ERC2: variants seen among roughly 807,000 people sequenced by gnomAD.
ERC2 encodes ERC protein 2.
In ERC2, 42 loss-of-function variants were observed where a neutral mutation model predicts 114.8. That is an observed-to-expected ratio of 0.37 (90% confidence interval 0.29 to 0.47). The LOEUF is 0.47. Ranked by LOEUF, ERC2 falls within the 20% of genes least tolerant of loss-of-function variation. ERC2 has a pLI of 0.99. For missense variants in ERC2, 939 were observed against 1,150.7 expected, an observed-to-expected ratio of 0.82 and a Z score of 2.66; for synonymous variants, 454 against 425.5, an observed-to-expected ratio of 1.07 and a Z score of -0.82.
At chr3:56,241,423 G>T in intron 3 of ERC2, among the ~76,000 whole-genome samples, 1 of 152,142 alleles carries the variant, frequency 6.6e-6, no homozygotes, top group Non-Finnish European at 1.5e-5. Flanking sequence ...TGGAGAAAAG[G>T]TACGCCTTAT....
chr3:56,053,364 G>C (rs1178531375), intron 7 of ERC2, among the ~76,000 whole-genome samples: 1 of 152,198 alleles, frequency 6.6e-6, no homozygotes, highest in Non-Finnish European at 1.5e-5. Flanking sequence ...GACTGTGAGG[G>C]ATGGGGAGAA....
At chr3:56,085,947 C>T (rs1477491451) in intron 6 of ERC2, among the ~76,000 whole-genome samples, 1 of 152,118 alleles carries the variant, frequency 6.6e-6, no homozygotes, top group Non-Finnish European at 1.5e-5. Flanking sequence ...AATATCCAAA[C>T]TGTGATATAA....
At chr3:55,853,184 A>G (rs2061648242) in intron 14 of ERC2, among the ~76,000 whole-genome samples, 1 of 152,244 alleles carries the variant, frequency 6.6e-6, no homozygotes, top group Admixed American at 6.5e-5. Flanking sequence ...TTCATGGGAC[A>G]TGGAAGCTTG....
In ERC2 at chr3:55,601,734, A is replaced by G. The variant is rs184680894; in HGVS notation, c.*39+82060T>C. On this transcript the variant is annotated intron_variant, in intron 17 of 17. Transcript: ENST00000288221. Reference sequence around the variant, plus strand: ...GTAAGCACTTTGGGAGGCTGAGGCAAGAGAATCCCTTGAACACAGGAGGTC... The same window carrying G: ...GTAAGCACTTTGGGAGGCTGAGGCAGGAGAATCCCTTGAACACAGGAGGTC... Among the ~76,000 whole-genome samples, 169 of 152,282 alleles carry G rather than the reference A, an allele frequency of 1.1e-3. 1 individual carries two copies. The highest frequency in any genetic ancestry group is 3.9e-3 in the African/African-American group (163 of 41,562).
At chr3:56,201,142 A>G in intron 3 of ERC2, among the ~76,000 whole-genome samples, 1 of 151,840 alleles carries the variant, frequency 6.6e-6, no homozygotes, top group Non-Finnish European at 1.5e-5. Context: ...TTCTCTCCCC[A>G]TCCTATCTTC....
At chr3:55,846,218 G>A (rs1272108748) in intron 14 of ERC2, among the ~76,000 whole-genome samples, 3 of 152,022 alleles carry the variant, frequency 2.0e-5, no homozygotes, top group African/African-American at 7.2e-5. Context: ...TCATCATTTG[G>A]CTCCCTCTTA....
At chr3:55,630,470 A>G (rs1004245194) in intron 17 of ERC2, among the ~76,000 whole-genome samples, 13 of 152,174 alleles carry the variant, frequency 8.5e-5, no homozygotes, top group Admixed American at 6.5e-4. Flanking sequence ...CGCCCGGCCA[A>G]TAAGACAGTT....
intron 16 of ERC2, among the ~76,000 whole-genome samples, chr3:55,695,553 T>C (rs976979079): frequency 1.3e-5 from 2 of 152,222 alleles, no homozygotes; most frequent in African/African-American, 4.8e-5. Context: ...CTTGATATCC[T>C]GGGTCCTCAA....
intron 13 of ERC2, among the ~76,000 whole-genome samples, chr3:55,935,026 A>T (rs11923626): frequency 0.27 from 40,519 of 152,064 alleles, 5,718 homozygotes; most frequent in Admixed American, 0.35. Context: ...TACTCCAAAG[A>T]TGTAGCCTTT....
intron 17 of ERC2, among the ~76,000 whole-genome samples, chr3:55,623,235 A>C (rs1432518173): frequency 2.6e-5 from 4 of 152,172 alleles, no homozygotes; most frequent in African/African-American, 9.7e-5. Flanking sequence ...ACCACAGAGG[A>C]TTACTGTAAA....
At chr3:56,196,037 A>G (rs2150081753) in intron 3 of ERC2, among the ~76,000 whole-genome samples, 1 of 152,244 alleles carries the variant, frequency 6.6e-6, no homozygotes, top group African/African-American at 2.4e-5. Context: ...CCAAAGCACG[A>G]GGAGAGTATA....
chr3:55,612,725 A>G (rs988439027), intron 17 of ERC2: 3 of 152,204 alleles, frequency 2.0e-5, no homozygotes, highest in African/African-American at 7.2e-5. Flanking sequence ...CATACCATCA[A>G]GGTCATCCAT....
chr3:55,985,042 A>G (rs73831837), intron 12 of ERC2, among the ~76,000 whole-genome samples: 4,314 of 152,348 alleles, frequency 0.028, 147 homozygotes, highest in East Asian at 0.18. Context: ...TCAATAGAGC[A>G]ACTATACTGA....
chr3:55,885,333 T>C (rs963061597), intron 14 of ERC2, among the ~76,000 whole-genome samples: 2 of 152,206 alleles, frequency 1.3e-5, no homozygotes, highest in Non-Finnish European at 2.9e-5. Flanking sequence ...AGTGGCAAAC[T>C]TGAACAGCCC....
intron 17 of ERC2, among the ~76,000 whole-genome samples, chr3:55,675,089 T>C (rs2061725908): frequency 6.6e-6 from 1 of 152,188 alleles, no homozygotes; most frequent in Non-Finnish European, 1.5e-5. Context: ...ATCCCAATTT[T>C]ACTCCACTCA....
intron 2 of ERC2, among the ~76,000 whole-genome samples, chr3:56,303,968 C>G (rs2150375876): frequency 6.6e-6 from 1 of 152,164 alleles, no homozygotes; most frequent in South Asian, 2.1e-4. Flanking sequence ...AAGGAAACTT[C>G]CACGAGTGAT....
intron 2 of ERC2, among the ~76,000 whole-genome samples, chr3:56,311,253 CTCTATATATA>C (rs1209008123): frequency 9.2e-5 from 4 of 43,530 alleles, no homozygotes; most frequent in African/African-American, 2.2e-4. Flanking sequence ...CTCTCTCTCT[CTCTATATATA>C]TATATATATA....
chr3:55,842,596 T>C (rs1395807327), intron 14 of ERC2, among the ~76,000 whole-genome samples: 2 of 152,102 alleles, frequency 1.3e-5, no homozygotes, highest in African/African-American at 4.8e-5. Context: ...TAAATATAGG[T>C]TGCTAGGAAT....
At chr3:56,295,802 C>T (rs116626163) in intron 3 of ERC2, among the ~76,000 whole-genome samples, 1,818 of 152,128 alleles carry the variant, frequency 0.012, 15 homozygotes, top group Non-Finnish European at 0.021. Context: ...GCTTGGATCG[C>T]GGATATGTGC....
Sources: gnomAD v4.1 joint callset for allele counts (sites outside exome capture counted in the v4.1 genomes callset) on GRCh38, gnomAD v4.1.1 for gene constraint, MANE v1.5 for transcripts, NCBI Gene and HGNC (gene_info 2026-07-23, HGNC 2026-07-21) for gene names.